The following RAD51B variants were observed in gnomAD, a reference collection of about 807,000 sequenced individuals.
RAD51B encodes the protein RAD51 paralog B.
RAD51B carries 38 observed loss-of-function variants against 42.2 expected under a neutral mutation model. The ratio of observed to expected loss-of-function variants is 0.90; its 90% CI spans 0.70 to 1.18. RAD51B has a LOEUF of 1.18. RAD51B is among the 50% of genes most tolerant of loss of function. The probability of loss-of-function intolerance (pLI) is 0.00; values close to 1 mark genes in which losing one functional copy is unlikely to be tolerated. For missense variants in RAD51B, 373 were observed against 400.7 expected (o/e 0.93, Z 0.59); for synonymous variants, 154 against 145.2 (o/e 1.06, Z -0.43).
At chr14:68,068,824 C>T (rs1002425772) in intron 7 of RAD51B, among the ~76,000 whole-genome samples, 1 of 152,014 alleles carries the variant, frequency 6.6e-6, no homozygotes, top group Non-Finnish European at 1.5e-5. Flanking sequence ...TTCTAGTGTA[C>T]CTTGGAGTTG....
chr14:68,421,977 G>A, intron 9 of RAD51B: 2 of 1,533,888 alleles, frequency 1.3e-6, no homozygotes, highest in African/African-American at 1.4e-5. Flanking sequence ...CTTGCCACCA[G>A]TGCCATTATG....
At chr14:68,162,570 G>A (rs927240803) in intron 7 of RAD51B, among the ~76,000 whole-genome samples, 3 of 152,188 alleles carry the variant, frequency 2.0e-5, no homozygotes, top group Non-Finnish European at 2.9e-5. Context: ...CGAATCATGA[G>A]GTCAGGAGAT....
intron 9 of RAD51B, among the ~76,000 whole-genome samples, chr14:68,438,043 G>A (rs951636625): frequency 2.0e-5 from 3 of 152,084 alleles, no homozygotes; most frequent in Non-Finnish European, 2.9e-5. Flanking sequence ...GGAGGATGGG[G>A]CCTGTATGTA....
At chr14:68,069,144 C>T (rs763742249) in intron 7 of RAD51B, among the ~76,000 whole-genome samples, 10 of 152,098 alleles carry the variant, frequency 6.6e-5, no homozygotes, top group African/African-American at 2.4e-5. Flanking sequence ...GAGAATTGCT[C>T]TTTCTTTTTA....
At chr14:68,325,383 T>C (rs1413173441) in intron 8 of RAD51B, among the ~76,000 whole-genome samples, 2 of 152,156 alleles carry the variant, frequency 1.3e-5, no homozygotes, top group Admixed American at 6.5e-5. Flanking sequence ...CTAGGTTATA[T>C]TTTTGTGAAG....
At chr14:67,969,552 A>G (rs2074856280) in intron 7 of RAD51B, among the ~76,000 whole-genome samples, 1 of 152,174 alleles carries the variant, frequency 6.6e-6, no homozygotes, top group Non-Finnish European at 1.5e-5. Flanking sequence ...AGAAAATTTG[A>G]AATATATAAG....
chr14:68,023,049 T>C (rs1196549715), intron 7 of RAD51B, among the ~76,000 whole-genome samples: 1 of 152,180 alleles, frequency 6.6e-6, no homozygotes, highest in Non-Finnish European at 1.5e-5. Context: ...ATCCAGTGCA[T>C]TGTTGATGGG....
At chr14:67,890,474 A>G (rs1397131051) in intron 7 of RAD51B, among the ~76,000 whole-genome samples, 3 of 151,350 alleles carry the variant, frequency 2.0e-5, no homozygotes, top group Admixed American at 6.6e-5. Context: ...TATTATTATT[A>G]TTATACTTTA....
At chr14:68,598,054 G>A (rs572522670), downstream of RAD51B, among the ~76,000 whole-genome samples, 9 of 152,052 alleles carry the variant, frequency 5.9e-5, no homozygotes, top group African/African-American at 1.4e-4. Context: ...TGGCAGTCTC[G>A]GTCTGATTTT....
At chr14:67,916,523 G>A (rs893283466) in intron 7 of RAD51B, among the ~76,000 whole-genome samples, 7 of 151,996 alleles carry the variant, frequency 4.6e-5, no homozygotes, top group African/African-American at 1.2e-4. Context: ...GATTGCAGAC[G>A]TGAGCCACAG....
At chr14:68,306,662 A>G (rs1156611633) in intron 8 of RAD51B, 2 of 514,584 alleles carry the variant, frequency 3.9e-6, no homozygotes, top group South Asian at 1.4e-5. Context: ...TGCAATTCTA[A>G]ATGTACCTAG....
chr14:68,529,709 T>C (rs919864513), intron 10 of RAD51B, among the ~76,000 whole-genome samples: 1 of 152,178 alleles, frequency 6.6e-6, no homozygotes, highest in African/African-American at 2.4e-5. Context: ...AAGAAGACCT[T>C]ACTCTCTAAA....
chr14:67,906,545 CT>C (rs1340677009), intron 7 of RAD51B, among the ~76,000 whole-genome samples: 1 of 151,850 alleles, frequency 6.6e-6, no homozygotes, highest in African/African-American at 2.4e-5. Context: ...GGCTGGTAGG[CT>C]TTTTATTACT....
intron 8 of RAD51B, 36 bp from the exon 9 acceptor site, chr14:68,411,388 G>A: frequency 6.4e-7 from 1 of 1,560,828 alleles, no homozygotes; most frequent in South Asian, 1.1e-5. Context: ...CTCAAGAAAG[G>A]GCATCTGAAA....
intron 4 of RAD51B, among the ~76,000 whole-genome samples, chr14:67,856,795 T>G (rs139454808): frequency 4.4e-4 from 67 of 152,320 alleles, no homozygotes; most frequent in Non-Finnish European, 7.9e-4. Flanking sequence ...TCAAACCAAT[T>G]ATTAACATTT....
intron 3 of RAD51B, among the ~76,000 whole-genome samples, 153 bp from the exon 4 acceptor site, chr14:67,834,927 T>G (rs1479072593): frequency 1.3e-5 from 2 of 152,160 alleles, no homozygotes; most frequent in African/African-American, 4.8e-5. Flanking sequence ...GCACAGTCCC[T>G]GGCACAGAGT....
At chr14:68,221,700 C>T (rs1214207247) in intron 7 of RAD51B, among the ~76,000 whole-genome samples, 40 of 152,166 alleles carry the variant, frequency 2.6e-4, no homozygotes, top group Admixed American at 2.6e-3. Context: ...CTCAATTAAA[C>T]TAAAAAGCTT....
rs371507589 is a variant in RAD51B, at chr14:68,011,384, TGATTA to T, written c.756+124181_756+124185del. On this transcript the variant is annotated intron_variant, in intron 7 of 10. Transcript: ENST00000471583. ...TCCATTCCAGTTTCTAAGAGCCTTC[TGATTA>T]ACAGGCTCCCCAAAATTTTTCCCTT... 9.9e-5 allele frequency among the ~76,000 whole-genome samples: 15 copies of T among 152,222 alleles called. No individual in the cohort carries two copies. The South Asian group carries it at 3.1e-3, about 32-fold the overall frequency.
At chr14:68,652,223 A>G (rs915565323) in intron 11 of RAD51B, among the ~76,000 whole-genome samples, 1 of 152,206 alleles carries the variant, frequency 6.6e-6, no homozygotes, top group Non-Finnish European at 1.5e-5. Flanking sequence ...TATAGCCCGC[A>G]GTCTGCGCTC....
Sources: gnomAD v4.1 joint callset for allele counts (sites outside exome capture counted in the v4.1 genomes callset) on GRCh38, gnomAD v4.1.1 for gene constraint, MANE v1.5 for transcripts, NCBI Gene and HGNC (gene_info 2026-07-23, HGNC 2026-07-21) for gene names.